Variants in PRKG1 observed in about 807,000 individuals in gnomAD.
The protein encoded by PRKG1 is protein kinase cGMP-dependent 1.
A neutral mutation model predicts 88.1 loss-of-function variants in PRKG1; 35 were observed. The ratio of observed to expected loss-of-function variants is 0.40; its 90% confidence interval spans 0.30 to 0.53. The LOEUF (loss-of-function observed/expected upper bound fraction) is 0.53. Among genes scored for constraint, PRKG1 ranks in the 20% least tolerant of loss-of-function variants. The probability of loss-of-function intolerance (pLI) is 0.59; values close to 1 mark genes in which losing one functional copy is unlikely to be tolerated. For missense variants in PRKG1, 540 were observed against 839.8 expected (o/e 0.64, Z 4.41); for synonymous variants, 303 against 292.5 (o/e 1.04, Z -0.37).
intron 3 of PRKG1, among the ~76,000 whole-genome samples, chr10:51,538,391 TATC>T (rs1361531293): frequency 2.7e-5 from 4 of 147,204 alleles, no homozygotes; most frequent in East Asian, 2.0e-4. Context: ...TTATTATACA[TATC>T]ATATATATAC....
intron 1 of PRKG1, among the ~76,000 whole-genome samples, chr10:51,132,907 A>G (rs1845606280): frequency 6.6e-6 from 1 of 152,062 alleles, no homozygotes; most frequent in African/African-American, 2.4e-5. Flanking sequence ...ATCAGAGTGT[A>G]CCCCATAAAT....
chr10:52,038,329 A>G (rs1845668990), intron 5 of PRKG1, among the ~76,000 whole-genome samples: 1 of 151,770 alleles, frequency 6.6e-6, no homozygotes, highest in Admixed American at 6.6e-5. Flanking sequence ...GAAAAGTGGG[A>G]AAAGAGGTTG....
intron 2 of PRKG1, among the ~76,000 whole-genome samples, chr10:51,459,753 C>G (rs1369339113): frequency 1.3e-5 from 2 of 152,090 alleles, no homozygotes; most frequent in South Asian, 4.1e-4. Flanking sequence ...ATTCTAACAT[C>G]AGTAGAGTGT....
At chr10:51,946,487 G>T (rs190176024) in intron 5 of PRKG1, among the ~76,000 whole-genome samples, 3,264 of 152,146 alleles carry the variant, frequency 0.021, 137 homozygotes, top group African/African-American at 0.071. Context: ...GTCCAGCTTT[G>T]TTCCGTTGCT....
chr10:51,735,494 A>G (rs1837241274), intron 3 of PRKG1, among the ~76,000 whole-genome samples: 1 of 152,146 alleles, frequency 6.6e-6, no homozygotes, highest in Admixed American at 6.5e-5. Context: ...GGGAATGAGG[A>G]CATTTGGATA....
chr10:51,909,652 C>T (rs1842172431), intron 5 of PRKG1: 1 of 152,098 alleles, frequency 6.6e-6, no homozygotes, highest in Non-Finnish European at 1.5e-5. Context: ...GGCATAAGGC[C>T]TTGACTGATT....
intron 2 of PRKG1, among the ~76,000 whole-genome samples, chr10:51,164,653 A>C (rs1487346192): frequency 7.9e-5 from 12 of 151,316 alleles, no homozygotes; most frequent in East Asian, 1.9e-4. Context: ...ACTTTGAAAA[A>C]AATTTAGACG....
intron 2 of PRKG1, among the ~76,000 whole-genome samples, chr10:51,406,621 G>GTT (rs34189565): frequency 6.3e-5 from 9 of 142,002 alleles, no homozygotes; most frequent in East Asian, 4.2e-4. Context: ...CATTATGTTT[G>GTT]TTTTTTTTTT....
Position 51,892,170 on chromosome 10 carries a change from G to C in PRKG1, c.699-15337G>C, listed in dbSNP as rs1022550513. Among the ~76,000 whole-genome samples the C allele has an allele frequency of 4.7e-5, 7 of 150,416 alleles. No individual in the cohort carries two copies. In the East Asian group the frequency reaches 1.5e-3, roughly 32 times the overall value. On this transcript the variant is annotated intron_variant, in intron 4 of 17. Coordinates refer to ENST00000373980, the MANE Select transcript of PRKG1 (RefSeq NM_006258.4). ...ATATTCCCGAATAAAGGAGTTACCTGGTTGAGTAAGTTTGAAAAATACTCT... is the reference window on the plus strand; with the variant it reads ...ATATTCCCGAATAAAGGAGTTACCTCGTTGAGTAAGTTTGAAAAATACTCT...
chr10:51,850,119 CAAG>C (rs1204182924), intron 4 of PRKG1, among the ~76,000 whole-genome samples: 3 of 152,082 alleles, frequency 2.0e-5, no homozygotes, highest in African/African-American at 7.2e-5. Flanking sequence ...ATCTTGAAGC[CAAG>C]AAGATCTTTC....
rs1842785062 is a variant in PRKG1 at position 50,991,736 on chromosome 10, C to G, written c.266+92C>G. 1.0e-5 allele frequency: 10 copies of G among 996,274 alleles called. No individual in the cohort carries two copies. The highest frequency in any genetic ancestry group is 1.2e-5 in the Non-Finnish European group (10 of 817,574). The allele number at this position is 996,274 out of a possible 1,614,324, so 61.7% of individuals were successfully genotyped here. On this transcript the variant is annotated intron_variant, in intron 1 of 17. Transcript: ENST00000401604. The surrounding 1 kb of genome is among the most constrained non-coding windows in gnomAD (Gnocchi z 4.5). ...CCGCGGCGGCGGGGGCGGGTCGGCC[C>G]AGGGCGCCCCCTGCTCGCTGCGGCG...
chr10:51,285,574 A>G (rs953111851), intron 2 of PRKG1, among the ~76,000 whole-genome samples: 2 of 152,202 alleles, frequency 1.3e-5, no homozygotes, highest in Admixed American at 6.5e-5. Context: ...GGTAATGTGT[A>G]GGTTGTAGGA....
chr10:51,634,488 C>A (rs1191394718), intron 3 of PRKG1, among the ~76,000 whole-genome samples: 1 of 152,096 alleles, frequency 6.6e-6, no homozygotes, highest in Non-Finnish European at 1.5e-5. Context: ...CTGAGATTAT[C>A]TGATCTGCAT....
At chr10:51,473,118 CT>C (rs1448269332) in intron 3 of PRKG1, among the ~76,000 whole-genome samples, 1 of 151,836 alleles carries the variant, frequency 6.6e-6, no homozygotes, top group Non-Finnish European at 1.5e-5. Context: ...CAATATTCTT[CT>C]TAGTAAAATT....
chr10:52,152,352 T>G (rs1837952227), intron 8 of PRKG1, among the ~76,000 whole-genome samples: 1 of 152,144 alleles, frequency 6.6e-6, no homozygotes, highest in Non-Finnish European at 1.5e-5. Context: ...ATGTACATTT[T>G]GGCATGAGGA....
chr10:51,499,834 G>A (rs894709864), intron 3 of PRKG1, among the ~76,000 whole-genome samples: 8 of 152,102 alleles, frequency 5.3e-5, no homozygotes, highest in African/African-American at 1.9e-4. Flanking sequence ...GTTGATATGT[G>A]CTTGTAGTCC....
rs140620477 is a variant in PRKG1, at chr10:51,178,336, G to T, written c.478+25006G>T. On this transcript the variant is annotated intron_variant, in intron 2 of 17. Coordinates refer to ENST00000373980, the MANE Select transcript of PRKG1 (RefSeq NM_006258.4). The stretch of plus-strand genomic sequence containing the variant: ...AATTCTATAATATCCTCCACATAAT[G>T]CATACATTTAAAAAATATTGGGCTG... 7.3e-3 allele frequency among the ~76,000 whole-genome samples: 1,109 copies of T among 152,146 alleles called. 14 individuals carry two copies. The highest frequency in any genetic ancestry group is 0.026 in the African/African-American group (1,065 of 41,512).
intron 1 of PRKG1, among the ~76,000 whole-genome samples, chr10:51,038,457 A>G (rs74722608): frequency 0.019 from 2,859 of 152,296 alleles, 39 homozygotes; most frequent in African/African-American, 0.033. Context: ...CCCATTAACC[A>G]TCCCCATTTC....
At chr10:51,890,942 C>A (rs533257755) in intron 4 of PRKG1, among the ~76,000 whole-genome samples, 5 of 152,290 alleles carry the variant, frequency 3.3e-5, no homozygotes, top group African/African-American at 1.2e-4. Context: ...GGCAATACAG[C>A]AAGACTCTGT....
Sources: gnomAD v4.1 joint callset for allele counts (sites outside exome capture counted in the v4.1 genomes callset) on GRCh38, gnomAD v4.1.1 for gene constraint, Gnocchi (gnomAD v3.1) non-coding constraint, MANE v1.5 for transcripts, NCBI Gene and HGNC (gene_info 2026-07-23, HGNC 2026-07-21) for gene names.